The following SUSD5 variants were observed in gnomAD, a reference collection of about 807,000 sequenced individuals.
SUSD5 encodes sushi domain-containing protein 5.
A neutral mutation model predicts 29.5 loss-of-function variants in SUSD5; 33 were observed. The observed-to-expected ratio is 1.12, with a 90% CI of 0.85 to 1.49. SUSD5 has a LOEUF of 1.49. SUSD5 is among the 40% of genes most tolerant of loss of function. The pLI is 0.00. For synonymous variants in SUSD5, 308 were observed against 325.3 expected, an observed-to-expected ratio of 0.95 and a Z score of 0.57; for missense variants, 776 against 800.6, an observed-to-expected ratio of 0.97 and a Z score of 0.37.
chr3:33,156,270 ACCTTGTGATCCGC>A (rs1284520549), intron 4 of SUSD5, among the ~76,000 whole-genome samples: 2 of 151,914 alleles, frequency 1.3e-5, no homozygotes, highest in Non-Finnish European at 2.9e-5. Context: ...CAAATTCCTG[ACCTTGTGATCCGC>A]CCATCTCGGC....
intron 4 of SUSD5, among the ~76,000 whole-genome samples, chr3:33,156,438 A>G (rs557082540): frequency 7.9e-5 from 12 of 152,306 alleles, no homozygotes; most frequent in African/African-American, 2.4e-4. Context: ...ATAAGAAGCA[A>G]TAGAGCCCCA....
chr3:33,192,916 C>T (rs950029248), intron 3 of SUSD5, among the ~76,000 whole-genome samples: 1 of 152,168 alleles, frequency 6.6e-6, no homozygotes, highest in Non-Finnish European at 1.5e-5. Flanking sequence ...CCTTTTCCCA[C>T]TAATTTGAAG....
intron 3 of SUSD5, among the ~76,000 whole-genome samples, chr3:33,184,589 T>C (rs1010756352): frequency 6.6e-6 from 1 of 152,072 alleles, no homozygotes; most frequent in Non-Finnish European, 1.5e-5. Context: ...CCCATAGTTC[T>C]TGGATATTCT....
intron 3 of SUSD5, among the ~76,000 whole-genome samples, chr3:33,180,514 C>A (rs190703408): frequency 2.6e-5 from 4 of 152,196 alleles, no homozygotes; most frequent in South Asian, 2.1e-4. Context: ...GCACATGCAT[C>A]TGTGCCCAGC....
chr3:33,214,523 C>G (rs1017161291), intron 1 of SUSD5, among the ~76,000 whole-genome samples: 2 of 152,092 alleles, frequency 1.3e-5, no homozygotes, highest in African/African-American at 4.8e-5. Context: ...CCTAGGATGA[C>G]CCCCTATACA....
intron 3 of SUSD5, among the ~76,000 whole-genome samples, chr3:33,198,178 A>G (rs1037152787): frequency 3.3e-5 from 5 of 152,234 alleles, no homozygotes; most frequent in African/African-American, 9.6e-5. Flanking sequence ...TACTAATCAT[A>G]GTCATAGCTC....
At position 33,207,837 on chromosome 3, in the gene SUSD5, G is replaced by A. The variant is rs544187843; in HGVS notation, c.380C>T (p.Thr127Ile). 6.8e-6 allele frequency: 11 copies of A among 1,613,796 alleles called. No homozygotes were observed. The South Asian group carries it at 9.9e-5, about 14-fold the overall frequency. ...ATCCTTAATACAAAGGGCACTGTATGTGCCACCAGGAACTGGGTTGCTCTC... is the reference window on the plus strand; with the variant it reads ...ATCCTTAATACAAAGGGCACTGTATATGCCACCAGGAACTGGGTTGCTCTC... ...RIESNPVPGG[T>I]YSALCIKDEE... Residue 127 changes from threonine (T) to isoleucine (I), a missense_variant, in exon 3 of 5, where the codon ACA (threonine) becomes ATA (isoleucine). Physicochemically the swap from Thr to Ile is moderately conservative, Grantham distance 89. Transcript: ENST00000309558.
chr3:33,150,315 A>T lies in SUSD5; in HGVS notation c.*2427T>A, dbSNP rs1257541086. On this transcript the variant is annotated 3_prime_UTR_variant, in exon 5 of 5. Coordinates refer to ENST00000309558, the MANE Select transcript of SUSD5 (RefSeq NM_015551.2). ...TACAAATAAAACATTTACCTGTATT[A>T]ATAATTTGTAATAAATTTATTAATA... The T allele has an allele frequency of 1.3e-5, 2 of 152,122 alleles. No homozygotes were observed. Among genetic ancestry groups the T allele is most frequent in the Non-Finnish European group, 2.9e-5 (2 of 67,996 alleles). The allele number at this position is 152,122 out of a possible 1,614,324, so 9.4% of individuals were successfully genotyped here.
intron 1 of SUSD5, among the ~76,000 whole-genome samples, chr3:33,217,844 TG>T (rs1179444929): frequency 1.3e-5 from 2 of 152,350 alleles, no homozygotes; most frequent in Non-Finnish European, 2.9e-5. Flanking sequence ...CTCATGGGTG[TG>T]AGAACTGCTG....
At chr3:33,177,187 G>A (rs1184535638) in intron 3 of SUSD5, among the ~76,000 whole-genome samples, 1 of 152,144 alleles carries the variant, frequency 6.6e-6, no homozygotes, top group African/African-American at 2.4e-5. Context: ...TTGAGAAGTA[G>A]GATATAAATA....
chr3:33,191,007 T>C (rs1213024444), intron 3 of SUSD5, among the ~76,000 whole-genome samples: 2 of 152,212 alleles, frequency 1.3e-5, no homozygotes, highest in Non-Finnish European at 2.9e-5. Flanking sequence ...ACCTTCTTCA[T>C]AGAGCATATT....
At chr3:33,195,055 C>T (rs915636954) in intron 3 of SUSD5, among the ~76,000 whole-genome samples, 4 of 152,006 alleles carry the variant, frequency 2.6e-5, no homozygotes, top group Non-Finnish European at 4.4e-5. Context: ...ATTAGCTGGG[C>T]CTGGTGGTGC....
At chr3:33,218,610 C>G in intron 1 of SUSD5, 76 bp downstream of exon 1, 1 of 1,189,956 alleles carries the variant, frequency 8.4e-7, no homozygotes, top group Non-Finnish European at 1.1e-6. Flanking sequence ...TCAGAGGGAG[C>G]AGCCCCGGCG....
intron 3 of SUSD5, among the ~76,000 whole-genome samples, chr3:33,200,078 A>G (rs1205299900): frequency 6.6e-6 from 1 of 152,180 alleles, no homozygotes; most frequent in Non-Finnish European, 1.5e-5. Flanking sequence ...GCCATACAAG[A>G]CAGAGCAAGA....
intron 3 of SUSD5, among the ~76,000 whole-genome samples, chr3:33,193,430 T>C (rs2031936781): frequency 6.6e-6 from 1 of 152,128 alleles, no homozygotes. Context: ...ACAGAACATT[T>C]AACTACAAGG....
rs952841108 is a variant in SUSD5 at position 33,153,269 on chromosome 3, A to C, written c.1363T>G (p.Ser455Ala). Reference sequence around the variant, plus strand: ...CCATCCCCAATGCCCTCAGTCTCGGAAGCATTCACGGGTCTGAGCGCCAAA... The same window carrying C: ...CCATCCCCAATGCCCTCAGTCTCGGCAGCATTCACGGGTCTGAGCGCCAAA... ...EALALRPVNA[S>A]ETEGIGDGDL... Residue 455 changes from serine to alanine, a missense_variant, in exon 5 of 5, where the codon TCC (serine) becomes GCC (alanine). Coordinates refer to ENST00000309558, the MANE Select transcript of SUSD5 (RefSeq NM_015551.2). 1 of 1,613,892 alleles carries C rather than the reference A, an allele frequency of 6.2e-7. No individual in the cohort carries two copies. Among genetic ancestry groups the C allele is most frequent in the Non-Finnish European group, 8.5e-7 (1 of 1,179,888 alleles).
At chr3:33,172,348 T>C (rs1559447702) in intron 4 of SUSD5, among the ~76,000 whole-genome samples, 1 of 152,212 alleles carries the variant, frequency 6.6e-6, no homozygotes, top group Non-Finnish European at 1.5e-5. Context: ...ACAACTGCAT[T>C]GCAGTGGGAA....
At chr3:33,201,204 T>C (rs953320957) in intron 3 of SUSD5, among the ~76,000 whole-genome samples, 1 of 152,182 alleles carries the variant, frequency 6.6e-6, no homozygotes, top group Non-Finnish European at 1.5e-5. Flanking sequence ...ATGTGGACCC[T>C]CACTGGATCA....
chr3:33,161,530 T>C (rs915584973), intron 4 of SUSD5, among the ~76,000 whole-genome samples: 2 of 152,054 alleles, frequency 1.3e-5, no homozygotes, highest in African/African-American at 4.8e-5. Flanking sequence ...AATCTACCGA[T>C]GGTTAAATGT....
Sources: gnomAD v4.1 joint callset for allele counts (sites outside exome capture counted in the v4.1 genomes callset) on GRCh38, gnomAD v4.1.1 for gene constraint, MANE v1.5 for transcripts, NCBI Gene and HGNC (gene_info 2026-07-23, HGNC 2026-07-21) for gene names.